Variants in KLHL6 observed in about 807,000 individuals in gnomAD.
KLHL6 encodes the protein kelch like family member 6.
A neutral mutation model predicts 58.6 loss-of-function variants in KLHL6; 41 were observed. That is an observed-to-expected ratio of 0.70 (90% CI 0.55 to 0.91). The LOEUF is 0.91. Ranked by LOEUF, KLHL6 falls within the 40% of genes least tolerant of loss-of-function variation. The pLI is 0.00. For missense variants in KLHL6, 714 were observed against 805.6 expected (o/e 0.89, Z 1.38); for synonymous variants, 338 against 322.7 (o/e 1.05, Z -0.51).
intron 4 of KLHL6, among the ~76,000 whole-genome samples, chr3:183,495,833 A>G (rs369705734): frequency 2.6e-5 from 4 of 152,302 alleles, no homozygotes; most frequent in Admixed American, 6.5e-5. Context: ...AGCTATCCTA[A>G]TACAAACAGT....
At chr3:183,551,080 C>T (rs1712898395) in intron 1 of KLHL6, among the ~76,000 whole-genome samples, 1 of 147,970 alleles carries the variant, frequency 6.8e-6, no homozygotes, top group South Asian at 2.2e-4. Flanking sequence ...GAGATACTGC[C>T]ACTGCACTCC....
At chr3:183,552,485 G>A (rs191358664) in intron 1 of KLHL6, among the ~76,000 whole-genome samples, 7 of 152,196 alleles carry the variant, frequency 4.6e-5, no homozygotes, top group African/African-American at 1.2e-4. Context: ...TTGGGAGGCC[G>A]AGGCGGGTGG....
chr3:183,510,561 C>T (rs1560097290), intron 2 of KLHL6, among the ~76,000 whole-genome samples: 1 of 152,106 alleles, frequency 6.6e-6, no homozygotes, highest in Non-Finnish European at 1.5e-5. Flanking sequence ...TGTCAGATCA[C>T]ATAGGATTGT....
chr3:183,532,199 CAGAA>C lies in KLHL6; in HGVS notation c.294-4193_294-4190del, dbSNP rs1234195138. Among the ~76,000 whole-genome samples the C allele has an allele frequency of 2.0e-5, 3 of 152,226 alleles. No homozygotes were observed. In the East Asian group the frequency reaches 5.8e-4, roughly 29 times the overall value. On this transcript the variant is annotated intron_variant, in intron 1 of 6. Transcript: ENST00000341319. ...GATAGGATTCGTGTCCTTATAAGAA[CAGAA>C]AGAGAGATTCCACACCCACCTCACC...
chr3:183,533,426 C>A lies in KLHL6; in HGVS notation c.294-5416G>T, dbSNP rs77604916. ...GTAGCTAGGACTATAGGCACCCACA[C>A]CCAACTTTTTTTTTTTTTAATTTTT... On this transcript the variant is annotated intron_variant, in intron 1 of 6. Transcript: ENST00000341319. 8.2e-4 allele frequency among the ~76,000 whole-genome samples: 125 copies of A among 151,662 alleles called. 2 individuals are homozygous for A. In the East Asian group the frequency reaches 0.022, roughly 27 times the overall value.
intron 2 of KLHL6, among the ~76,000 whole-genome samples, chr3:183,527,097 T>C (rs1258272441): frequency 7.4e-6 from 1 of 135,548 alleles, no homozygotes; most frequent in Non-Finnish European, 1.6e-5. Flanking sequence ...AGACTCTCTC[T>C]AAAAAAAAAA....
intron 1 of KLHL6, among the ~76,000 whole-genome samples, chr3:183,531,452 T>TGTTTG (rs1560105903): frequency 7.4e-6 from 1 of 134,368 alleles, no homozygotes; most frequent in African/African-American, 2.9e-5. Flanking sequence ...TGTTTTTTTT[T>TGTTTG]TTTTTTTTTT....
At position 183,527,955 on chromosome 3, in the gene KLHL6, C is replaced by A. The variant is rs1489452931; in HGVS notation, c.349G>T (p.Gly117Trp). Residue 117 changes from glycine (G) to tryptophan (W), a missense_variant, in exon 2 of 7, where the codon GGG becomes TGG. Coordinates refer to ENST00000341319, the MANE Select transcript of KLHL6 (RefSeq NM_130446.4). ...EKYEKRIIIK[G>W]VDAETMHTLL... ...GTGTGCATGGTCTCAGCATCAACCC[C>A]TTTAATAATGATCCTTTTCTCATAC... The A allele has an allele frequency of 6.2e-7, 1 of 1,614,012 alleles. No individual in the cohort carries two copies. Among genetic ancestry groups the A allele is most frequent in the Non-Finnish European group, 8.5e-7 (1 of 1,179,986 alleles).
At chr3:183,551,518 G>A (rs1306806477) in intron 1 of KLHL6, among the ~76,000 whole-genome samples, 1 of 152,224 alleles carries the variant, frequency 6.6e-6, no homozygotes, top group Non-Finnish European at 1.5e-5. Flanking sequence ...TGATCATTGA[G>A]TAATTTGGCT....
intron 2 of KLHL6, among the ~76,000 whole-genome samples, chr3:183,516,397 TG>T (rs1380073569): frequency 1.3e-5 from 2 of 152,238 alleles, no homozygotes; most frequent in Admixed American, 6.5e-5. Context: ...CACATGAACT[TG>T]TTTGTCAGAG....
chr3:183,535,333 A>T lies in KLHL6; in HGVS notation c.294-7323T>A, dbSNP rs1040607878. On this transcript the variant is annotated intron_variant, in intron 1 of 6. Coordinates refer to ENST00000341319, the MANE Select transcript of KLHL6 (RefSeq NM_130446.4). ...ACATGTGGCTAGTAGCTACCATATT[A>T]GACAGTGCAGCTCTTGCCATCAGTC... Among the ~76,000 whole-genome samples, 79 of 152,332 alleles carry T rather than the reference A, an allele frequency of 5.2e-4. 1 individual carries two copies. In the Middle Eastern group the frequency reaches 0.01, roughly 20 times the overall value.
At chr3:183,551,723 A>G (rs1015854641) in intron 1 of KLHL6, among the ~76,000 whole-genome samples, 27 of 152,234 alleles carry the variant, frequency 1.8e-4, no homozygotes, top group Non-Finnish European at 4.4e-5. Flanking sequence ...TTGCAGAAAT[A>G]TAGAGCTAGT....
At chr3:183,534,908 A>G (rs1712307891) in intron 1 of KLHL6, among the ~76,000 whole-genome samples, 1 of 147,760 alleles carries the variant, frequency 6.8e-6, no homozygotes, top group Non-Finnish European at 1.5e-5. Flanking sequence ...GTATGTATGT[A>G]TGTATATATG....
At chr3:183,493,971 G>T (rs374698069) in intron 5 of KLHL6, 108 bp downstream of exon 5, 40 of 986,606 alleles carry the variant, frequency 4.1e-5, no homozygotes, top group East Asian at 1.4e-4. Context: ...CTCCTTGGAA[G>T]TAAAGTGATC....
chr3:183,496,433 A>G (rs1717715677), intron 4 of KLHL6, among the ~76,000 whole-genome samples: 1 of 152,240 alleles, frequency 6.6e-6, no homozygotes, highest in East Asian at 1.9e-4. Flanking sequence ...AAATTTCACA[A>G]TATATACAAA....
chr3:183,511,007 C>A (rs1447356111), intron 2 of KLHL6, among the ~76,000 whole-genome samples: 1 of 152,146 alleles, frequency 6.6e-6, no homozygotes, highest in East Asian at 1.9e-4. Context: ...GACACAGAGG[C>A]AAAGTACAGA....
At chr3:183,538,438 G>C (rs1353744279) in intron 1 of KLHL6, among the ~76,000 whole-genome samples, 3 of 152,106 alleles carry the variant, frequency 2.0e-5, no homozygotes, top group Non-Finnish European at 4.4e-5. Flanking sequence ...ACCATTCCCC[G>C]TTTATACCAG....
chr3:183,534,105 A>AAAAGTACTTTACTTTTAAAGTACTTTG (rs1712266439), intron 1 of KLHL6, among the ~76,000 whole-genome samples: 2 of 126,304 alleles, frequency 1.6e-5, no homozygotes, highest in African/African-American at 3.7e-5. Flanking sequence ...AAAGTACTTT[A>AAAAGTACTTTACTTTTAAAGTACTTTG]AAAGTACTTT....
rs568796266 is a variant in KLHL6, at chr3:183,510,550, G to A, written c.460-2042C>T. ...CTCTATTGCAAAATATTATCTTTCT[G>A]TGTCAGATCACATAGGATTGTCAGT... On this transcript the variant is annotated intron_variant, in intron 2 of 6. Transcript: ENST00000341319. Among the ~76,000 whole-genome samples, 147 of 152,224 alleles carry A rather than the reference G, an allele frequency of 9.7e-4. 1 individual carries two copies. The highest frequency in any genetic ancestry group is 3.4e-3 in the African/African-American group (140 of 41,536).
Sources: gnomAD v4.1 joint callset for allele counts (sites outside exome capture counted in the v4.1 genomes callset) on GRCh38, gnomAD v4.1.1 for gene constraint, MANE v1.5 for transcripts, NCBI Gene and HGNC (gene_info 2026-07-23, HGNC 2026-07-21) for gene names.